CSMD1: variants seen among roughly 807,000 people sequenced by gnomAD.
CSMD1 encodes CUB and sushi domain-containing protein 1.
A neutral mutation model predicts 417.5 loss-of-function variants in CSMD1; 213 were observed. That is an observed-to-expected ratio of 0.51 (90% CI 0.46 to 0.57). CSMD1 has a LOEUF of 0.57. Ranked by LOEUF, CSMD1 falls within the 20% of genes least tolerant of loss-of-function variation. The probability of loss-of-function intolerance (pLI) is 0.00; values close to 1 mark genes in which losing one functional copy is unlikely to be tolerated. For synonymous variants in CSMD1, 2,862 were observed against 1,736.8 expected (o/e 1.65, Z -16.11); for missense variants, 6,923 against 4,529.7 (o/e 1.53, Z -15.17).
chr8:4,447,381 G>C (rs557183941), intron 2 of CSMD1, among the ~76,000 whole-genome samples: 10 of 152,296 alleles, frequency 6.6e-5, no homozygotes, highest in African/African-American at 2.4e-4. Flanking sequence ...ATCCCTTTCA[G>C]CTCCTTGAAT....
intron 26 of CSMD1, among the ~76,000 whole-genome samples, chr8:3,237,293 C>G (rs145784248): frequency 1.3e-5 from 2 of 151,656 alleles, no homozygotes; most frequent in East Asian, 3.9e-4. Context: ...TGGTGAAACC[C>G]TGTCTGTACT....
At chr8:4,492,893 G>A (rs982774881) in intron 2 of CSMD1, among the ~76,000 whole-genome samples, 1 of 152,074 alleles carries the variant, frequency 6.6e-6, no homozygotes, top group African/African-American at 2.4e-5. Context: ...ATTTAACATG[G>A]GCCTGTGCTA....
chr8:4,255,737 T>C (rs568620708), intron 3 of CSMD1, among the ~76,000 whole-genome samples: 59 of 152,344 alleles, frequency 3.9e-4, no homozygotes, highest in African/African-American at 1.2e-3. Context: ...AATCTAAGCA[T>C]AGACTTAAAC....
At chr8:3,474,593 G>A (rs76593353) in intron 11 of CSMD1, among the ~76,000 whole-genome samples, 5,400 of 152,070 alleles carry the variant, frequency 0.036, 163 homozygotes, top group East Asian at 0.13. Flanking sequence ...GCAGAAGTTT[G>A]GTCTTGCTTT....
chr8:3,509,299 T>A (rs1246164375), intron 10 of CSMD1, among the ~76,000 whole-genome samples: 1 of 152,194 alleles, frequency 6.6e-6, no homozygotes, highest in Non-Finnish European at 1.5e-5. Context: ...TATTTAAGCC[T>A]TTCCCCCACC....
chr8:4,043,031 T>C (rs1385247165), intron 3 of CSMD1, among the ~76,000 whole-genome samples: 3 of 150,524 alleles, frequency 2.0e-5, no homozygotes, highest in African/African-American at 4.9e-5. Flanking sequence ...ACTTGGGAGG[T>C]TGAAGCAGGA....
intron 23 of CSMD1, among the ~76,000 whole-genome samples, chr8:3,312,309 G>C (rs908234685): frequency 3.9e-5 from 6 of 152,142 alleles, no homozygotes; most frequent in African/African-American, 1.2e-4. Context: ...TATATGACCA[G>C]CTGTCTCCTT....
chr8:3,106,901 G>C (rs765063572), intron 45 of CSMD1: 20 of 324,718 alleles, frequency 6.2e-5, no homozygotes, highest in Middle Eastern at 1.8e-3. Context: ...ATCCGTGTTG[G>C]TTTCCCTTCC....
rs1436003979 is a variant in CSMD1, at chr8:3,754,542, C to T, written c.819-500G>A. Among the ~76,000 whole-genome samples the T allele has an allele frequency of 3.3e-5, 5 of 152,046 alleles. No homozygotes were observed. The East Asian group carries it at 5.8e-4, about 18-fold the overall frequency. ...CGATCTCGGCTCACTGCAAGCTCCG[C>T]CTCCTGGGTTCAAGCGATTCTCCTC... On this transcript the variant is annotated intron_variant, in intron 5 of 69. Transcript: ENST00000635120.
chr8:3,518,448 G>A (rs1297209710), intron 10 of CSMD1, among the ~76,000 whole-genome samples: 1 of 152,120 alleles, frequency 6.6e-6, no homozygotes, highest in Non-Finnish European at 1.5e-5. Context: ...TTAAAATTCT[G>A]ACACATAGAA....
chr8:3,862,220 A>G (rs1305178889), intron 5 of CSMD1, among the ~76,000 whole-genome samples: 2 of 152,200 alleles, frequency 1.3e-5, no homozygotes, highest in Non-Finnish European at 2.9e-5. Context: ...ATGACACATA[A>G]CTGCCTTAAC....
intron 2 of CSMD1, among the ~76,000 whole-genome samples, chr8:4,544,046 T>C (rs958607454): frequency 1.3e-5 from 2 of 152,204 alleles, no homozygotes; most frequent in East Asian, 3.9e-4. Context: ...GAAATCCGTT[T>C]TTGCAATTAC....
chr8:4,253,135 G>C (rs1277234553), intron 3 of CSMD1, among the ~76,000 whole-genome samples: 1 of 152,160 alleles, frequency 6.6e-6, no homozygotes, highest in Non-Finnish European at 1.5e-5. Flanking sequence ...TATTGAATGA[G>C]TATTTTCTAA....
rs1802181185 is a variant in CSMD1, at chr8:4,627,383, A to G, written c.302+9959T>C. On this transcript the variant is annotated intron_variant, in intron 2 of 69. Coordinates refer to ENST00000635120, the MANE Select transcript of CSMD1 (RefSeq NM_033225.6). ...TATTTATAGCTCTTTATTGCATATT[A>G]ATATGGATGGTTTCCCACTAAACTA... Among the ~76,000 whole-genome samples the G allele has an allele frequency of 3.3e-5, 5 of 152,188 alleles. No individual in the cohort carries two copies. In the South Asian group the frequency reaches 1.0e-3, roughly 31 times the overall value.
At chr8:3,378,372 G>A (rs978958701) in intron 18 of CSMD1, among the ~76,000 whole-genome samples, 1 of 152,152 alleles carries the variant, frequency 6.6e-6, no homozygotes, top group African/African-American at 2.4e-5. Flanking sequence ...CAATAAAAAA[G>A]AGGGACTCCT....
At chr8:4,840,243 G>C (rs945794668) in intron 1 of CSMD1, among the ~76,000 whole-genome samples, 2 of 152,232 alleles carry the variant, frequency 1.3e-5, no homozygotes, top group Non-Finnish European at 2.9e-5. Context: ...CACATCGCCA[G>C]CTGATAGCCC....
chr8:4,167,760 CAGG>C (rs1554478332), intron 3 of CSMD1, among the ~76,000 whole-genome samples: 1 of 152,122 alleles, frequency 6.6e-6, no homozygotes, highest in Non-Finnish European at 1.5e-5. Context: ...GAGACCAAGG[CAGG>C]AGGATTGCTT....
intron 3 of CSMD1, among the ~76,000 whole-genome samples, chr8:4,380,446 T>A (rs553996636): frequency 1.5e-4 from 23 of 152,266 alleles, no homozygotes; most frequent in African/African-American, 5.5e-4. Context: ...ACAGAATGGT[T>A]TACCAGTCGG....
chr8:3,895,641 C>G (rs1234644420), intron 5 of CSMD1, among the ~76,000 whole-genome samples: 1 of 152,168 alleles, frequency 6.6e-6, no homozygotes, highest in African/African-American at 2.4e-5. Flanking sequence ...GAATCCTATC[C>G]TAAATAATTA....
Sources: allele counts gnomAD v4.1 joint callset (sites outside exome capture counted in the v4.1 genomes callset), GRCh38; gene constraint gnomAD v4.1.1; transcripts MANE v1.5; gene names NCBI Gene and HGNC (gene_info 2026-07-23, HGNC 2026-07-21).